The following WWOX variants were observed in gnomAD, a reference collection of about 807,000 sequenced individuals.
WWOX encodes the protein WW domain containing oxidoreductase.
Under a neutral mutation model 46.2 loss-of-function variants are expected in WWOX, and 69 were observed. That is an observed-to-expected ratio of 1.49 (90% CI 1.23 to 1.82). The LOEUF is 1.82. WWOX is among the 40% of genes most tolerant of loss of function. The probability of loss-of-function intolerance (pLI) is 0.00; values close to 1 mark genes in which losing one functional copy is unlikely to be tolerated. For synonymous variants in WWOX, 359 were observed against 202.6 expected (o/e 1.77, Z -6.56); for missense variants, 919 against 542.6 (o/e 1.69, Z -6.89).
chr16:78,360,698 TGGTGCTAA>T (rs1567524039), intron 5 of WWOX, among the ~76,000 whole-genome samples: 54 of 44,684 alleles, frequency 1.2e-3, no homozygotes, highest in African/African-American at 1.8e-3. Context: ...AAATAGACAA[TGGTGCTAA>T]ATATTAACTA....
At chr16:79,055,589 C>T (rs1002437667) in intron 8 of WWOX, among the ~76,000 whole-genome samples, 3 of 152,098 alleles carry the variant, frequency 2.0e-5, no homozygotes, top group African/African-American at 7.2e-5. Flanking sequence ...ACCTCAAGGC[C>T]CTGTCCAAAC....
At chr16:78,312,740 C>CTG (rs1284127666) in intron 5 of WWOX, among the ~76,000 whole-genome samples, 1 of 152,194 alleles carries the variant, frequency 6.6e-6, no homozygotes, top group Non-Finnish European at 1.5e-5. Context: ...GGAAGCAAGA[C>CTG]TGAAGGTCGT....
chr16:78,751,942 C>A (rs1263410901), intron 8 of WWOX, among the ~76,000 whole-genome samples: 1 of 152,156 alleles, frequency 6.6e-6, no homozygotes, highest in African/African-American at 2.4e-5. Context: ...TGTCTTTCTT[C>A]TGGTGCCTCC....
intron 8 of WWOX, among the ~76,000 whole-genome samples, chr16:78,663,247 A>G (rs1263195616): frequency 6.6e-6 from 1 of 152,198 alleles, no homozygotes; most frequent in African/African-American, 2.4e-5. Flanking sequence ...ATGGAATCAT[A>G]CAATACGTGG....
chr16:79,027,090 G>C (rs2047660741), intron 8 of WWOX, among the ~76,000 whole-genome samples: 1 of 151,420 alleles, frequency 6.6e-6, no homozygotes, highest in South Asian at 2.1e-4. Context: ...GACCAGCCTT[G>C]GCAACATGGT....
intron 8 of WWOX, among the ~76,000 whole-genome samples, chr16:78,448,701 T>G (rs554523913): frequency 2.0e-5 from 3 of 152,212 alleles, no homozygotes; most frequent in Admixed American, 6.5e-5. Context: ...TGTTGCTGTT[T>G]TAATGAAGAG....
At chr16:78,960,775 A>G (rs2046256829) in intron 8 of WWOX, among the ~76,000 whole-genome samples, 2 of 152,128 alleles carry the variant, frequency 1.3e-5, no homozygotes, top group South Asian at 2.1e-4. Flanking sequence ...GGAGTTCTCT[A>G]TTTAGTCACC....
intron 8 of WWOX, among the ~76,000 whole-genome samples, chr16:78,469,532 C>A (rs1293131846): frequency 1.3e-5 from 2 of 152,074 alleles, no homozygotes; most frequent in African/African-American, 4.8e-5. Context: ...CTAGACATTC[C>A]CTGGAAGCAT....
chr16:78,406,538 A>G (rs1482703970), intron 6 of WWOX, among the ~76,000 whole-genome samples: 1 of 149,972 alleles, frequency 6.7e-6, no homozygotes, highest in Non-Finnish European at 1.5e-5. Flanking sequence ...ATTTTAGTAG[A>G]GATGGTTTCA....
At chr16:79,104,228 G>A (rs765197872) in intron 8 of WWOX, among the ~76,000 whole-genome samples, 2 of 152,064 alleles carry the variant, frequency 1.3e-5, no homozygotes, top group Non-Finnish European at 2.9e-5. Context: ...AAAAAATGTG[G>A]TAACATAGGG....
chr16:78,387,808 C>T (rs1343435669), intron 6 of WWOX, among the ~76,000 whole-genome samples: 3 of 151,820 alleles, frequency 2.0e-5, no homozygotes, highest in Non-Finnish European at 4.4e-5. Flanking sequence ...TTGATTCAAA[C>T]ATGAGGATTA....
intron 8 of WWOX, among the ~76,000 whole-genome samples, chr16:78,854,566 C>G (rs1230570412): frequency 6.6e-6 from 1 of 152,090 alleles, no homozygotes; most frequent in Non-Finnish European, 1.5e-5. Flanking sequence ...CTAACGATAC[C>G]TGTATTTGCT....
At chr16:78,983,307 A>G (rs78228098) in intron 8 of WWOX, among the ~76,000 whole-genome samples, 1,663 of 152,330 alleles carry the variant, frequency 0.011, 39 homozygotes, top group African/African-American at 0.038. Context: ...GAGTAGAATC[A>G]GGAACCAGGG....
chr16:78,220,536 T>G (rs1191872903), intron 5 of WWOX, among the ~76,000 whole-genome samples: 1 of 152,190 alleles, frequency 6.6e-6, no homozygotes, highest in East Asian at 1.9e-4. Flanking sequence ...AAGCTTTCTG[T>G]TCAGTTTAAC....
At chr16:78,653,967 G>C (rs1052203563) in intron 8 of WWOX, among the ~76,000 whole-genome samples, 2 of 152,202 alleles carry the variant, frequency 1.3e-5, no homozygotes, top group Non-Finnish European at 2.9e-5. Context: ...TCTTACAAAA[G>C]GCAAAGCAGA....
In WWOX at chr16:78,136,777, A is replaced by G. The variant is rs149026623; in HGVS notation, c.409+21623A>G. Among the ~76,000 whole-genome samples, 84 of 152,324 alleles carry G rather than the reference A, an allele frequency of 5.5e-4. 1 individual carries two copies. The highest frequency in any genetic ancestry group is 1.9e-3 in the African/African-American group (79 of 41,578). On this transcript the variant is annotated intron_variant, in intron 4 of 8. Transcript: ENST00000566780. Reference sequence around the variant, plus strand: ...CACCCATTAGGCAAATGGAAGACCAAAACATCACCTGAGTCATTCATGAAG... The same window carrying G: ...CACCCATTAGGCAAATGGAAGACCAGAACATCACCTGAGTCATTCATGAAG...
intron 8 of WWOX, among the ~76,000 whole-genome samples, chr16:79,200,715 C>T (rs545288776): frequency 3.9e-5 from 6 of 152,204 alleles, no homozygotes; most frequent in African/African-American, 9.6e-5. Flanking sequence ...TGGACAAAGA[C>T]ATGAAAAACT....
chr16:79,002,521 C>T (rs1159595982), intron 8 of WWOX, among the ~76,000 whole-genome samples: 1 of 152,154 alleles, frequency 6.6e-6, no homozygotes, highest in Non-Finnish European at 1.5e-5. Context: ...CCGCACCCGG[C>T]CCCTGCCTTT....
chr16:79,168,034 G>T (rs762944906), intron 8 of WWOX, among the ~76,000 whole-genome samples: 1 of 152,162 alleles, frequency 6.6e-6, no homozygotes, highest in African/African-American at 2.4e-5. Flanking sequence ...TCCAAGGCTT[G>T]TCTAAGTTGT....
Sources: gnomAD v4.1 joint callset for allele counts (sites outside exome capture counted in the v4.1 genomes callset) on GRCh38, gnomAD v4.1.1 for gene constraint, MANE v1.5 for transcripts, NCBI Gene and HGNC (gene_info 2026-07-23, HGNC 2026-07-21) for gene names.